PSMD8: variants seen among roughly 807,000 people sequenced by gnomAD.
PSMD8 encodes proteasome 26S subunit, non-ATPase 8, also known as 26S proteasome non-ATPase regulatory subunit 8.
In PSMD8, 30 loss-of-function variants were observed where a neutral mutation model predicts 40.0. That is an observed-to-expected ratio of 0.75 (90% confidence interval 0.56 to 1.02). PSMD8 has a LOEUF of 1.02. PSMD8 is among the 50% of genes least tolerant of loss of function. The pLI is 0.00. For missense variants in PSMD8, 461 were observed against 463.9 expected (o/e 0.99, Z 0.06); for synonymous variants, 208 against 192.5 (o/e 1.08, Z -0.67).
Position 38,376,486 on chromosome 19 carries a change from G to A in PSMD8, c.536+32G>A, listed in dbSNP as rs190213618. 3.1e-4 allele frequency: 460 copies of A among 1,499,958 alleles called. 4 individuals carry two copies. The South Asian group carries it at 5.2e-3, about 17-fold the overall frequency. 92.9% of individuals were successfully genotyped at this position (1,499,958 alleles called of 1,614,324 possible). A position where few individuals can be genotyped will look rare whatever the true frequency, so the allele number is the denominator to read the frequency against. On this transcript the variant is annotated intron_variant, in intron 3 of 6. Coordinates refer to ENST00000215071, the MANE Select transcript of PSMD8 (RefSeq NM_002812.5). The stretch of plus-strand genomic sequence containing the variant: ...ATGGGCCCTGCCCCCAACTGGGGGG[G>A]TGGTTGCATGGAAGCTCCTTTATTT...
Position 38,380,768 on chromosome 19 carries a change from C to T in PSMD8, c.703-131C>T, listed in dbSNP as rs1600498458. 25 of 610,212 alleles carry T rather than the reference C, an allele frequency of 4.1e-5. No homozygotes were observed. In the East Asian group the frequency reaches 8.3e-4, roughly 20 times the overall value. The allele number at this position is 610,212 out of a possible 1,614,324, so 37.8% of individuals were successfully genotyped here. ...CAAGGGCTTTCTGGAAGAGGGGGTA[C>T]CCAGGGCAGGGGTGTGGCTGTGTGG... is the stretch of plus-strand genomic sequence containing the variant. On this transcript the variant is annotated intron_variant, in intron 4 of 6. Coordinates refer to ENST00000215071, the MANE Select transcript of PSMD8 (RefSeq NM_002812.5).
chr19:38,375,002 G>C (rs1400099946), intron 1 of PSMD8, 41 bp downstream of exon 1: 1 of 1,536,182 alleles, frequency 6.5e-7, no homozygotes, highest in Admixed American at 2.0e-5. Flanking sequence ...TTGCGGGCGT[G>C]GGAGGCGCTA....
chr19:38,382,600 T>G (rs1600499694), intron 6 of PSMD8: 1 of 442,986 alleles, frequency 2.3e-6, no homozygotes, highest in Non-Finnish European at 4.0e-6. Flanking sequence ...CTATGGAAGG[T>G]GAAATTGGGC....
intron 3 of PSMD8, among the ~76,000 whole-genome samples, chr19:38,378,503 G>A (rs576085025): frequency 0.011 from 1,387 of 129,786 alleles, 11 homozygotes; most frequent in Non-Finnish European, 0.018. Context: ...GCAAGACTCC[G>A]TCTCAAAAAA....
At chr19:38,378,658 A>T (rs1306377220) in intron 3 of PSMD8, among the ~76,000 whole-genome samples, 1 of 135,656 alleles carries the variant, frequency 7.4e-6, no homozygotes, top group African/African-American at 2.7e-5. Flanking sequence ...CTCGGAATTG[A>T]AAAAAAAAAA....
rs1204702502 is a variant in PSMD8 at position 38,382,102 on chromosome 19, C to T, written c.804-15C>T. 1.4e-5 allele frequency: 21 copies of T among 1,550,708 alleles called. No individual in the cohort carries two copies. The highest frequency in any genetic ancestry group is 2.4e-5 in the South Asian group (2 of 84,100). ...GTTGATGCTCAGTAATGAGGAGCTT[C>T]TCATCTTCCCCCAGGGATGAGATCG... On this transcript the variant is annotated splice_polypyrimidine_tract_variant and intron_variant, in intron 5 of 6. Coordinates refer to ENST00000215071, the MANE Select transcript of PSMD8 (RefSeq NM_002812.5).
chr19:38,375,188 C>T (rs1600495196), intron 1 of PSMD8: 1 of 719,774 alleles, frequency 1.4e-6, no homozygotes, highest in Non-Finnish European at 2.2e-6. Flanking sequence ...CGCCTGTAAT[C>T]GCAGCGCTTT....
chr19:38,379,454 G>A (rs769345998), intron 4 of PSMD8, 49 bp downstream of exon 4: 1 of 1,597,614 alleles, frequency 6.3e-7, no homozygotes. Flanking sequence ...GGGTGGTGCA[G>A]GGGTGGTCTT....
At chr19:38,377,578 C>T (rs1670059864) in intron 3 of PSMD8, among the ~76,000 whole-genome samples, 1 of 152,094 alleles carries the variant, frequency 6.6e-6, no homozygotes, top group Admixed American at 6.6e-5. Context: ...CTCACCACAA[C>T]CTCTGCCTCC....
At chr19:38,378,097 C>G (rs1387932957) in intron 3 of PSMD8, among the ~76,000 whole-genome samples, 1 of 152,216 alleles carries the variant, frequency 6.6e-6, no homozygotes, top group Non-Finnish European at 1.5e-5. Context: ...CATGATGGCA[C>G]ATGCCTGAAA....
rs1970582468 is a variant in PSMD8, at chr19:38,374,756, G to A, written c.155G>A (p.Arg52His). Reference sequence around the variant, plus strand: ...GCAAGCGTTTGTAGGCGGCGCTGCCGTAAATCAGGCGGTCTGCTTGCCGCA... The same window carrying A: ...GCAAGCGTTTGTAGGCGGCGCTGCCATAAATCAGGCGGTCTGCTTGCCGCA... ...RRASVCRRRC[R>H]KSGGLLAASR... Residue 52 changes from arginine (R) to histidine (H), a missense_variant, in exon 1 of 7, where the codon CGT becomes CAT. By Grantham distance (29) the Arg-to-His change is conservative. Transcript: ENST00000215071. 4 of 1,561,300 alleles carry A rather than the reference G, an allele frequency of 2.6e-6. No individual in the cohort carries two copies. The highest frequency in any genetic ancestry group is 3.5e-6 in the Non-Finnish European group (4 of 1,157,512).
chr19:38,379,829 C>T (rs954004960), intron 4 of PSMD8, among the ~76,000 whole-genome samples: 2 of 152,166 alleles, frequency 1.3e-5, no homozygotes, highest in Non-Finnish European at 2.9e-5. Flanking sequence ...GAGGAACTGG[C>T]TTATGCCTGT....
chr19:38,381,096 G>C (rs1002992091), intron 5 of PSMD8, 97 bp downstream of exon 5: 2 of 984,028 alleles, frequency 2.0e-6, no homozygotes, highest in African/African-American at 3.3e-5. Flanking sequence ...TTGGTTGTCT[G>C]GGTAGGCTAG....
Position 38,374,726 on chromosome 19 carries a change from G to A in PSMD8, c.125G>A (p.Arg42His). 6.5e-7 allele frequency: 1 copy of A among 1,548,734 alleles called. No individual in the cohort carries two copies. The change falls in exon 1 of 7, where the codon CGC becomes CAC. Residue 42 changes from arginine to histidine, a missense_variant. By Grantham distance (29) the Arg-to-His change is conservative. This residue lies in a region of PSMD8 where 225 missense variants were observed against 142.7 expected (regional missense o/e 1.58). Transcript: ENST00000215071. ...ALGSTSRPHF[R>H]RASVCRRRCR... Reference sequence around the variant, plus strand: ...GGCTCCACCTCTCGGCCCCACTTCCGCCGGGCAAGCGTTTGTAGGCGGCGC... The same window carrying A: ...GGCTCCACCTCTCGGCCCCACTTCCACCGGGCAAGCGTTTGTAGGCGGCGC...
At position 38,380,976 on chromosome 19, in the gene PSMD8, T is replaced by G; in HGVS notation, c.780T>G (p.Ile260Met). The G allele has an allele frequency of 6.3e-7, 1 of 1,585,468 alleles. No homozygotes were observed. Among genetic ancestry groups the G allele is most frequent in the Non-Finnish European group, 8.6e-7 (1 of 1,164,852 alleles). ...NIPAESYTFF[I>M]DILLDTIRDE... ...CCGCCGAGAGCTACACCTTCTTCAT[T>G]GACATCCTGCTCGACACTATCAGGT... The change falls in exon 5 of 7, where the codon ATT becomes ATG. Residue 260 changes from isoleucine to methionine, a missense_variant. Ile to Met is a conservative substitution (Grantham distance 10, BLOSUM62 1). This residue lies in a region of PSMD8 where 236 missense variants were observed against 321.2 expected (regional missense o/e 0.73). Coordinates refer to ENST00000215071, the MANE Select transcript of PSMD8 (RefSeq NM_002812.5).
At chr19:38,383,181 T>C (rs1970657330) in intron 6 of PSMD8, 72 bp from the exon 7 acceptor site, 1 of 1,586,286 alleles carries the variant, frequency 6.3e-7, no homozygotes, top group South Asian at 1.1e-5. Flanking sequence ...CGTGGGCAAG[T>C]GCTGGCCCCA....
chr19:38,374,692 C>A lies in PSMD8; in HGVS notation c.91C>A (p.Arg31=), dbSNP rs1361968938. 1 of 1,543,168 alleles carries A rather than the reference C, an allele frequency of 6.5e-7. No individual in the cohort carries two copies. The highest frequency in any genetic ancestry group is 2.0e-5 in the Admixed American group (1 of 51,042). Residue 31 remains arginine, a synonymous_variant, in exon 1 of 7, where the codon CGG becomes AGG. Transcript: ENST00000215071. ...GGLRQVVAPP[R]ALGSTSRPHF... is the part of the protein sequence containing the mutation. ...GCTGAGGCAGGTTGTAGCCCCGCCC[C>A]GGGCCTTGGGCTCCACCTCTCGGCC...
chr19:38,375,617 G>T (rs1322538809), intron 1 of PSMD8: 2 of 180,952 alleles, frequency 1.1e-5, no homozygotes, highest in Non-Finnish European at 1.2e-5. Flanking sequence ...AGTTGTGAAG[G>T]CAGGACTGAA....
At position 38,374,995 on chromosome 19, in the gene PSMD8, C is replaced by T. The variant is rs540067917; in HGVS notation, c.360+34C>T. ...GGCAGGCCCAGGAAACCGAGTGTTG[C>T]GGGCGTGGGAGGCGCTACGAGGTGT... On this transcript the variant is annotated intron_variant, in intron 1 of 6. Transcript: ENST00000215071. 3.1e-5 allele frequency: 48 copies of T among 1,538,066 alleles called. No individual in the cohort carries two copies. The South Asian group carries it at 4.4e-4, about 14-fold the overall frequency.
Sources: allele counts gnomAD v4.1 joint callset (sites outside exome capture counted in the v4.1 genomes callset), GRCh38; gene constraint gnomAD v4.1.1; regional missense constraint gnomAD v4.1.1; transcripts MANE v1.5; gene names NCBI Gene and HGNC (gene_info 2026-07-23, HGNC 2026-07-21).